Variants in SGCD observed in about 807,000 individuals in gnomAD.
SGCD encodes delta-sarcoglycan.
Under a neutral mutation model 36.6 loss-of-function variants are expected in SGCD, and 18 were observed. That is an observed-to-expected ratio of 0.49 (90% CI 0.34 to 0.73). The LOEUF is 0.73. SGCD is among the 30% of genes least tolerant of loss of function. The pLI is 0.01. For missense variants in SGCD, 387 were observed against 346.7 expected, an observed-to-expected ratio of 1.12 and a Z score of -0.92; for synonymous variants, 133 against 130.6, an observed-to-expected ratio of 1.02 and a Z score of -0.12.
At position 156,570,849 on chromosome 5, in the gene SGCD, C is replaced by T. The variant is rs200434908; in HGVS notation, c.295-18382C>T. On this transcript the variant is annotated intron_variant, in intron 4 of 8. Transcript: ENST00000337851. ...AGTGGGTGGTGTTCCCCAGCTTTCT[C>T]TTAGTAAGACTTTGCCTAGGGTGTC... Among the ~76,000 whole-genome samples the T allele has an allele frequency of 2.0e-5, 3 of 152,242 alleles. No homozygotes were observed. In the East Asian group the frequency reaches 5.8e-4, roughly 29 times the overall value.
intron 3 of SGCD, among the ~76,000 whole-genome samples, chr5:156,457,658 C>A (rs1284200059): frequency 6.6e-6 from 1 of 152,178 alleles, no homozygotes; most frequent in Non-Finnish European, 1.5e-5. Context: ...GACCCTGGGG[C>A]AAACACAGTA....
chr5:156,675,744 G>A (rs79267832), intron 7 of SGCD, among the ~76,000 whole-genome samples: 3,274 of 152,292 alleles, frequency 0.021, 101 homozygotes, highest in African/African-American at 0.073. Flanking sequence ...TTTAATTGCA[G>A]TATGGTGAGA....
intron 6 of SGCD, among the ~76,000 whole-genome samples, chr5:156,640,951 GT>G (rs1414351506): frequency 2.6e-5 from 4 of 152,124 alleles, no homozygotes; most frequent in African/African-American, 9.7e-5. Flanking sequence ...TCTGTGTATT[GT>G]TCATGTCTGG....
chr5:155,977,714 C>A (rs1475253859), intron 1 of SGCD, among the ~76,000 whole-genome samples: 1 of 152,086 alleles, frequency 6.6e-6, no homozygotes, highest in African/African-American at 2.4e-5. Flanking sequence ...AAGTGTGGAA[C>A]CAAATAGGCC....
chr5:156,000,075 C>G (rs1338117979), intron 1 of SGCD, among the ~76,000 whole-genome samples: 2 of 152,180 alleles, frequency 1.3e-5, no homozygotes, highest in Non-Finnish European at 2.9e-5. Context: ...GTGCACATAG[C>G]TTCAGCCCTG....
At chr5:155,869,538 G>A (rs1228731882), upstream of SGCD, among the ~76,000 whole-genome samples, 1 of 152,164 alleles carries the variant, frequency 6.6e-6, no homozygotes, top group Non-Finnish European at 1.5e-5. Context: ...CAAGGTTATA[G>A]CACAGTGTAG....
chr5:156,334,394 G>T (rs573342180), intron 2 of SGCD, among the ~76,000 whole-genome samples: 29 of 152,264 alleles, frequency 1.9e-4, no homozygotes, highest in African/African-American at 6.3e-4. Flanking sequence ...TATTTTTGCT[G>T]CCCAAGGGCA....
chr5:156,221,906 T>G (rs1764725607), intron 3 of SGCD, among the ~76,000 whole-genome samples: 1 of 152,012 alleles, frequency 6.6e-6, no homozygotes, highest in Non-Finnish European at 1.5e-5. Flanking sequence ...CAGATAGTAC[T>G]CCAGGGGTAG....
At chr5:156,288,082 T>G (rs1052086853) in intron 3 of SGCD, among the ~76,000 whole-genome samples, 4 of 152,198 alleles carry the variant, frequency 2.6e-5, no homozygotes, top group African/African-American at 9.6e-5. Context: ...AGGAGAATCT[T>G]GAGACTTATC....
chr5:156,384,063 G>A (rs907928767), intron 3 of SGCD, among the ~76,000 whole-genome samples: 8 of 152,152 alleles, frequency 5.3e-5, no homozygotes, highest in Admixed American at 2.6e-4. Context: ...TTTAGTTGCC[G>A]AGGTTGAGTT....
chr5:156,580,148 G>T (rs940646661), intron 4 of SGCD, among the ~76,000 whole-genome samples: 1 of 152,120 alleles, frequency 6.6e-6, no homozygotes, highest in African/African-American at 2.4e-5. Context: ...GTCTGTAAAG[G>T]ATTTTATTTC....
the SGCD span, among the ~76,000 whole-genome samples, chr5:155,835,336 C>T: frequency 1.3e-5 from 2 of 152,014 alleles, no homozygotes; most frequent in Non-Finnish European, 2.9e-5. Context: ...AAACAAAAAC[C>T]TTTATCACAA....
the SGCD span, among the ~76,000 whole-genome samples, chr5:155,818,318 A>G: frequency 6.6e-6 from 1 of 152,066 alleles, no homozygotes; most frequent in Non-Finnish European, 1.5e-5. Flanking sequence ...GAAGGAGGGT[A>G]TTCCAAAAAG....
At chr5:156,183,787 A>G (rs750303121) in intron 3 of SGCD, among the ~76,000 whole-genome samples, 31 of 152,182 alleles carry the variant, frequency 2.0e-4, no homozygotes, top group Non-Finnish European at 4.4e-4. Context: ...GGAAGGGGAG[A>G]GAAAGTAAGT....
At chr5:155,938,523 G>A (rs1757262296) in intron 1 of SGCD, among the ~76,000 whole-genome samples, 1 of 152,070 alleles carries the variant, frequency 6.6e-6, no homozygotes, top group Non-Finnish European at 1.5e-5. Flanking sequence ...CATTGGCCTG[G>A]GTATCATGTA....
chr5:156,542,607 G>C (rs1359394189), intron 4 of SGCD, among the ~76,000 whole-genome samples: 2 of 152,094 alleles, frequency 1.3e-5, no homozygotes, highest in Admixed American at 1.3e-4. Context: ...AGTGAAGTAG[G>C]TACTACTATT....
intron 1 of SGCD, among the ~76,000 whole-genome samples, chr5:156,043,587 T>G (rs550921316): frequency 6.6e-6 from 1 of 152,330 alleles, no homozygotes; most frequent in South Asian, 2.1e-4. Context: ...ACAGTTTTAC[T>G]GCTTGGAAAA....
intron 1 of SGCD, among the ~76,000 whole-genome samples, chr5:155,918,333 C>T (rs1473934497): frequency 1.3e-5 from 2 of 152,126 alleles, no homozygotes; most frequent in Non-Finnish European, 2.9e-5. Context: ...GTGGCTGAGG[C>T]GGGCAGATCA....
intron 7 of SGCD, among the ~76,000 whole-genome samples, chr5:156,738,324 A>G (rs1161396619): frequency 1.3e-5 from 2 of 152,192 alleles, no homozygotes; most frequent in African/African-American, 2.4e-5. Context: ...GGAAACTGCT[A>G]TTGTGATGTT....
Sources: gnomAD v4.1 joint callset for allele counts (sites outside exome capture counted in the v4.1 genomes callset) on GRCh38, gnomAD v4.1.1 for gene constraint, MANE v1.5 for transcripts, NCBI Gene and HGNC (gene_info 2026-07-23, HGNC 2026-07-21) for gene names.